PRDM10: variants seen among roughly 807,000 people sequenced by gnomAD.
PRDM10 encodes PR domain zinc finger protein 10.
A neutral mutation model predicts 133.1 loss-of-function variants in PRDM10; 65 were observed. That is an observed-to-expected ratio of 0.49 (90% confidence interval 0.40 to 0.60). The LOEUF (loss-of-function observed/expected upper bound fraction) is 0.60. Among genes scored for constraint, PRDM10 ranks in the 20% least tolerant of loss-of-function variants. PRDM10 has a pLI of 0.00. For synonymous variants in PRDM10, 582 were observed against 580.4 expected (o/e 1.00, Z -0.04); for missense variants, 1,137 against 1,507.1 (o/e 0.75, Z 4.07).
chr11:129,966,513 T>C (rs1172593894), intron 1 of PRDM10, among the ~76,000 whole-genome samples: 1 of 152,244 alleles, frequency 6.6e-6, no homozygotes. Flanking sequence ...TGAGCCTAAC[T>C]GCCACTTTAA....
chr11:129,944,152 C>T (rs1449803907), intron 6 of PRDM10, among the ~76,000 whole-genome samples: 1 of 152,280 alleles, frequency 6.6e-6, no homozygotes, highest in African/African-American at 2.4e-5. Context: ...ACCCTGCCAA[C>T]GCCATGATCT....
Position 129,982,419 on chromosome 11 carries a change from C to T in PRDM10, c.-119+20303G>A, listed in dbSNP as rs571902285. 4.6e-5 allele frequency among the ~76,000 whole-genome samples: 7 copies of T among 151,992 alleles called. No individual in the cohort carries two copies. In the East Asian group the frequency reaches 6.0e-4, roughly 13 times the overall value. On this transcript the variant is annotated intron_variant, in intron 1 of 20. Transcript: ENST00000360871. ...CTGGGATTACAGGTGCCCACCACCT[C>T]GCCTAGCTAATTTTTTGTATTTTTA... is the stretch of plus-strand genomic sequence containing the variant.
At chr11:129,949,707 G>C (rs1195839180) in intron 4 of PRDM10, among the ~76,000 whole-genome samples, 2 of 152,116 alleles carry the variant, frequency 1.3e-5, no homozygotes, top group African/African-American at 4.8e-5. Flanking sequence ...AAGGTGCGCA[G>C]ATCACCTGAG....
intron 1 of PRDM10, among the ~76,000 whole-genome samples, chr11:129,964,195 C>A (rs1951858965): frequency 6.6e-6 from 1 of 152,216 alleles, no homozygotes; most frequent in African/African-American, 2.4e-5. Flanking sequence ...ATGCTAGGCA[C>A]TGGGGTGCTG....
chr11:129,924,879 C>A lies in PRDM10; in HGVS notation c.1878+3G>T. The stretch of plus-strand genomic sequence containing the variant: ...GACAGGAATCTCAGTAGTAGACACT[C>A]ACCTGGATAAAATCTGGGAACCGTT... On this transcript the variant is annotated splice_donor_region_variant and intron_variant, in intron 12 of 20. Transcript: ENST00000360871. 6.3e-7 allele frequency: 1 copy of A among 1,590,832 alleles called. No homozygotes were observed. Among genetic ancestry groups the A allele is most frequent in the Non-Finnish European group, 8.6e-7 (1 of 1,169,208 alleles).
intron 1 of PRDM10, among the ~76,000 whole-genome samples, chr11:129,981,693 C>G (rs538010048): frequency 2.0e-4 from 31 of 152,056 alleles, no homozygotes; most frequent in Admixed American, 1.7e-3. Context: ...GTCAGGAGTT[C>G]AAGACCAACC....
At chr11:129,922,804 T>C (rs905235910) in intron 13 of PRDM10, among the ~76,000 whole-genome samples, 7 of 152,234 alleles carry the variant, frequency 4.6e-5, no homozygotes, top group Admixed American at 2.0e-4. Context: ...TTCTCCAAAG[T>C]AGTCTAAGCC....
At chr11:129,985,795 A>C in intron 1 of PRDM10, among the ~76,000 whole-genome samples, 1 of 121,890 alleles carries the variant, frequency 8.2e-6, no homozygotes, top group African/African-American at 3.9e-5. Flanking sequence ...AAAAAAAAAA[A>C]AAAAAAAAAA....
rs1474857493 is a variant in PRDM10, at chr11:129,947,081, CACACGT to C, written c.520+58_520+63del. On this transcript the variant is annotated intron_variant, in intron 5 of 20. Coordinates refer to ENST00000360871, the MANE Select transcript of PRDM10 (RefSeq NM_199437.2). The surrounding 1 kb of genome is among the most constrained non-coding windows in gnomAD (Gnocchi z 4.6). ...CACGGGAGCTATGTTCACACACACGCACACGTACACAGACACACAAGATGGACACAG... is the reference window on the plus strand; with the variant it reads ...CACGGGAGCTATGTTCACACACACGCACACAGACACACAAGATGGACACAG... 22 of 1,581,902 alleles carry C rather than the reference CACACGT, an allele frequency of 1.4e-5. No homozygotes were observed. Among genetic ancestry groups the C allele is most frequent in the Non-Finnish European group, 1.7e-5 (20 of 1,162,312 alleles).
intron 4 of PRDM10, among the ~76,000 whole-genome samples, chr11:129,952,019 AC>A (rs1951594288): frequency 6.6e-6 from 1 of 152,226 alleles, no homozygotes; most frequent in Non-Finnish European, 1.5e-5. Context: ...TAAACTGACA[AC>A]CACTGAGGTG....
At chr11:129,974,139 C>T (rs755476210) in intron 1 of PRDM10, among the ~76,000 whole-genome samples, 8 of 152,194 alleles carry the variant, frequency 5.3e-5, no homozygotes, top group Non-Finnish European at 1.2e-4. Flanking sequence ...ACAGTATCTC[C>T]TTCATAGAGG....
chr11:129,905,046 C>CA (rs1949969164), intron 20 of PRDM10, among the ~76,000 whole-genome samples: 1 of 152,072 alleles, frequency 6.6e-6, no homozygotes, highest in South Asian at 2.1e-4. Flanking sequence ...CTTGAGGACT[C>CA]AATCTTTCCA....
chr11:129,951,532 T>C (rs1434863602), intron 4 of PRDM10, among the ~76,000 whole-genome samples: 1 of 152,190 alleles, frequency 6.6e-6, no homozygotes, highest in East Asian at 1.9e-4. Flanking sequence ...TACAATAAAA[T>C]ACAGTAAAAG....
chr11:129,909,196 T>G (rs1467045659), intron 19 of PRDM10, among the ~76,000 whole-genome samples: 4 of 151,858 alleles, frequency 2.6e-5, no homozygotes, highest in Non-Finnish European at 4.4e-5. Context: ...ATGCCTGTAA[T>G]TCCAGCACTT....
chr11:129,993,328 A>G (rs1294042785), intron 1 of PRDM10, among the ~76,000 whole-genome samples: 3 of 152,144 alleles, frequency 2.0e-5, no homozygotes, highest in Non-Finnish European at 4.4e-5. Context: ...GGTCATGAGT[A>G]TCTTCCTATA....
At chr11:129,968,528 G>C (rs1021975082) in intron 1 of PRDM10, among the ~76,000 whole-genome samples, 1 of 152,054 alleles carries the variant, frequency 6.6e-6, no homozygotes, top group Non-Finnish European at 1.5e-5. Flanking sequence ...CAGAAGAGAG[G>C]GGGTGGTGGA....
At chr11:129,948,707 G>A (rs1951498550) in intron 4 of PRDM10, among the ~76,000 whole-genome samples, 1 of 152,146 alleles carries the variant, frequency 6.6e-6, no homozygotes, top group Admixed American at 6.5e-5. Context: ...ATATCTGAAG[G>A]CCAAAAAACC....
rs200566223 is a variant in PRDM10 at position 129,975,193 on chromosome 11, G to A, written c.-118-14111C>T. Among the ~76,000 whole-genome samples, 5 of 152,234 alleles carry A rather than the reference G, an allele frequency of 3.3e-5. No individual in the cohort carries two copies. In the East Asian group the frequency reaches 5.8e-4, roughly 18 times the overall value. On this transcript the variant is annotated intron_variant, in intron 1 of 20. Transcript: ENST00000360871. ...TGTAATCCCAGCACTTTGGGAGGCC[G>A]AGGCAGGTGAATCACCTGAGGTCAG... is the stretch of plus-strand genomic sequence containing the variant.
intron 1 of PRDM10, among the ~76,000 whole-genome samples, chr11:129,986,134 G>C (rs892492612): frequency 6.6e-6 from 1 of 151,944 alleles, no homozygotes; most frequent in East Asian, 1.9e-4. Flanking sequence ...GTTAATGGAG[G>C]GGGCAGAGGC....
Sources: allele counts gnomAD v4.1 joint callset (sites outside exome capture counted in the v4.1 genomes callset), GRCh38; gene constraint gnomAD v4.1.1; non-coding constraint Gnocchi (gnomAD v3.1); transcripts MANE v1.5; gene names NCBI Gene and HGNC (gene_info 2026-07-23, HGNC 2026-07-21).